Variants in NKAIN3 observed in about 807,000 individuals in gnomAD.
NKAIN3 encodes sodium/potassium-transporting ATPase subunit beta-1-interacting protein 3.
NKAIN3 carries 25 observed loss-of-function variants against 30.2 expected under a neutral mutation model. That is an observed-to-expected ratio of 0.83 (90% CI 0.60 to 1.16). The LOEUF is 1.16. Ranked by LOEUF, NKAIN3 falls within the 50% of genes most tolerant of loss-of-function variation. NKAIN3 has a pLI of 0.00. For synonymous variants in NKAIN3, 91 were observed against 89.6 expected, an observed-to-expected ratio of 1.02 and a Z score of -0.09; for missense variants, 225 against 254.1, an observed-to-expected ratio of 0.89 and a Z score of 0.78.
intron 1 of NKAIN3, among the ~76,000 whole-genome samples, chr8:62,345,616 C>CACACATATATACACATATATGTACATAT (rs1348728048): frequency 7.2e-6 from 1 of 139,784 alleles, no homozygotes; most frequent in Non-Finnish European, 1.5e-5. Context: ...TATGTATATA[C>CACACATATATACACATATATGTACATAT]ACACATATAT....
intron 4 of NKAIN3, chr8:62,863,072 A>G: frequency 2.9e-6 from 3 of 1,035,198 alleles, no homozygotes; most frequent in South Asian, 2.6e-5. Context: ...CCTCTGTATC[A>G]TATATCTCTC....
intron 4 of NKAIN3, among the ~76,000 whole-genome samples, chr8:62,866,597 G>A (rs1396179736): frequency 6.6e-6 from 1 of 152,088 alleles, no homozygotes; most frequent in Non-Finnish European, 1.5e-5. Flanking sequence ...TGGATTCAAT[G>A]TCTTTTTACT....
intron 4 of NKAIN3, among the ~76,000 whole-genome samples, chr8:62,752,435 C>T (rs2130597511): frequency 6.6e-6 from 1 of 152,262 alleles, no homozygotes; most frequent in South Asian, 2.1e-4. Context: ...GAACATAATT[C>T]CTGTGATCTT....
Position 62,977,052 on chromosome 8 carries a change from G to A in NKAIN3, c.*11645G>A, listed in dbSNP as rs1387799038. Among the ~76,000 whole-genome samples, 1 of 152,180 alleles carries A rather than the reference G, an allele frequency of 6.6e-6. No individual in the cohort carries two copies. On this transcript the variant is annotated 3_prime_UTR_variant, in exon 7 of 7. Coordinates refer to ENST00000623646, the MANE Select transcript of NKAIN3 (RefSeq NM_001304533.3). The stretch of plus-strand genomic sequence containing the variant: ...TTTTAGGGTTTCTGCAGAGAGATCT[G>A]CTGTTAGTATGATGGGCTTCCCTTT...
chr8:62,605,758 T>C lies in NKAIN3; in HGVS notation c.273+15964T>C, dbSNP rs1304535273. 2.6e-5 allele frequency among the ~76,000 whole-genome samples: 4 copies of C among 152,110 alleles called. No homozygotes were observed. In the East Asian group the frequency reaches 7.7e-4, roughly 29 times the overall value. ...GTGCACAGGTCATGTGCAAATACTA[T>C]ATTATTTTATTTCAGGGATTTGAGC... On this transcript the variant is annotated intron_variant, in intron 3 of 6. Coordinates refer to ENST00000623646, the MANE Select transcript of NKAIN3 (RefSeq NM_001304533.3).
intron 1 of NKAIN3, among the ~76,000 whole-genome samples, chr8:62,352,785 C>T (rs747382558): frequency 2.6e-5 from 4 of 152,170 alleles, no homozygotes; most frequent in Non-Finnish European, 4.4e-5. Flanking sequence ...CCCGTCTTCT[C>T]GGCAAATTCT....
At chr8:62,941,236 A>G (rs571344694) in intron 5 of NKAIN3, among the ~76,000 whole-genome samples, 6 of 152,246 alleles carry the variant, frequency 3.9e-5, no homozygotes, top group South Asian at 2.1e-4. Flanking sequence ...AATAACAAGC[A>G]GCAAGATTGA....
chr8:62,363,569 T>C (rs1041822434), intron 1 of NKAIN3, among the ~76,000 whole-genome samples: 3 of 152,178 alleles, frequency 2.0e-5, no homozygotes, highest in African/African-American at 7.2e-5. Flanking sequence ...GACAACATAT[T>C]GTAGAGTGCT....
chr8:62,664,448 C>A (rs1393560951), intron 3 of NKAIN3, among the ~76,000 whole-genome samples: 10 of 152,130 alleles, frequency 6.6e-5, no homozygotes, highest in Non-Finnish European at 1.3e-4. Context: ...ATCTCCTCAA[C>A]CTCAACTTTG....
At chr8:62,929,715 G>T (rs562853771) in intron 5 of NKAIN3, among the ~76,000 whole-genome samples, 13 of 152,204 alleles carry the variant, frequency 8.5e-5, no homozygotes, top group East Asian at 3.9e-4. Context: ...AAAAACTGTG[G>T]TTTTTTGTTT....
intron 4 of NKAIN3, among the ~76,000 whole-genome samples, chr8:62,797,799 A>G (rs535453271): frequency 1.1e-4 from 17 of 152,268 alleles, no homozygotes; most frequent in African/African-American, 4.1e-4. Context: ...ATTAGTTAAG[A>G]TACGGTCACA....
At chr8:62,772,663 CTT>C (rs34456138) in intron 4 of NKAIN3, among the ~76,000 whole-genome samples, 192 of 137,246 alleles carry the variant, frequency 1.4e-3, no homozygotes, top group African/African-American at 4.2e-3. Context: ...CTTTTGCCTA[CTT>C]TTTTTTTTTT....
At position 62,965,407 on chromosome 8, in the gene NKAIN3, G is replaced by A; in HGVS notation, c.657G>A (p.Ter219=). The A allele has an allele frequency of 1.0e-6, 1 of 985,762 alleles. No homozygotes were observed. 61.1% of individuals were successfully genotyped at this position (985,762 alleles called of 1,614,324 possible). ...AAATGCGGCTGCTGAACTTGACTTA[G>A]GGAGCAAAGGACCATTGACTGCGCG... is the stretch of plus-strand genomic sequence containing the variant. ...EPEMRLLNLT[*] Residue 219 remains the stop codon, a stop_retained_variant, in exon 7 of 7, where the codon TAG becomes TAA. Coordinates refer to ENST00000623646, the MANE Select transcript of NKAIN3 (RefSeq NM_001304533.3).
chr8:62,593,524 C>T (rs1444640131), intron 3 of NKAIN3, among the ~76,000 whole-genome samples: 1 of 151,716 alleles, frequency 6.6e-6, no homozygotes, highest in Admixed American at 6.6e-5. Context: ...AATAAACTAA[C>T]AAGCATGTAG....
chr8:62,641,676 T>C (rs927003846), intron 3 of NKAIN3, among the ~76,000 whole-genome samples: 2 of 152,114 alleles, frequency 1.3e-5, no homozygotes, highest in African/African-American at 2.4e-5. Flanking sequence ...CATTGATTGA[T>C]AAAGTGAGAG....
intron 3 of NKAIN3, among the ~76,000 whole-genome samples, chr8:62,626,864 C>T (rs1811804693): frequency 6.6e-6 from 1 of 152,102 alleles, no homozygotes; most frequent in African/African-American, 2.4e-5. Flanking sequence ...CCACTGTTGC[C>T]TCTATGTTGC....
At chr8:62,673,854 T>C (rs1256689208) in intron 3 of NKAIN3, among the ~76,000 whole-genome samples, 1 of 152,242 alleles carries the variant, frequency 6.6e-6, no homozygotes, top group Non-Finnish European at 1.5e-5. Context: ...CCATTGTATA[T>C]GCAGTCCATT....
At chr8:62,760,297 A>G (rs1816608832) in intron 4 of NKAIN3, among the ~76,000 whole-genome samples, 1 of 152,198 alleles carries the variant, frequency 6.6e-6, no homozygotes, top group Admixed American at 6.5e-5. Flanking sequence ...AAGGATTATA[A>G]ATCATGCTAC....
At chr8:62,280,139 G>A (rs1813125849) in intron 1 of NKAIN3, among the ~76,000 whole-genome samples, 1 of 148,052 alleles carries the variant, frequency 6.8e-6, no homozygotes, top group South Asian at 2.2e-4. Context: ...TGAAGCAATT[G>A]TGAATGGGAG....
Sources: gnomAD v4.1 joint callset for allele counts (sites outside exome capture counted in the v4.1 genomes callset) on GRCh38, gnomAD v4.1.1 for gene constraint, MANE v1.5 for transcripts, NCBI Gene and HGNC (gene_info 2026-07-23, HGNC 2026-07-21) for gene names.